VEZF1: variants seen among roughly 807,000 people sequenced by gnomAD.
The protein encoded by VEZF1 is vascular endothelial zinc finger 1, also known as putative transcription factor DB1.
Under a neutral mutation model 44.1 loss-of-function variants are expected in VEZF1, and 5 were observed. The observed-to-expected ratio is 0.11, with a 90% confidence interval of 0.06 to 0.24. The LOEUF (loss-of-function observed/expected upper bound fraction) is 0.24. Among genes scored for constraint, VEZF1 ranks in the 10% least tolerant of loss-of-function variants. The pLI is 1.00. For missense variants in VEZF1, 358 were observed against 641.8 expected (o/e 0.56, Z 4.78); for synonymous variants, 236 against 233.1 (o/e 1.01, Z -0.11).
chr17:57,980,863 C>T (rs2143348789), intron 3 of VEZF1, 77 bp from the exon 4 acceptor site: 4 of 1,438,732 alleles, frequency 2.8e-6, no homozygotes, highest in Non-Finnish European at 2.9e-6. Context: ...ATATTCTGTG[C>T]ATTACCCTAT....
chr17:57,987,351 G>A (rs774817695), intron 1 of VEZF1, among the ~76,000 whole-genome samples: 4 of 152,096 alleles, frequency 2.6e-5, no homozygotes, highest in Non-Finnish European at 4.4e-5. Context: ...TGGACAGAGG[G>A]AGAAGGTGTC....
At chr17:57,978,416 T>C (rs1393896732) in intron 5 of VEZF1, among the ~76,000 whole-genome samples, 5 of 152,218 alleles carry the variant, frequency 3.3e-5, no homozygotes, top group Admixed American at 1.3e-4. Flanking sequence ...TCATGATACA[T>C]TGACAAAATG....
rs2143395092 is a variant in VEZF1 at position 57,988,162 on chromosome 17, T to G, written c.-51A>C. The G allele has an allele frequency of 1.8e-6, 1 of 552,824 alleles. No individual in the cohort carries two copies. 34.2% of individuals were successfully genotyped at this position (552,824 alleles called of 1,614,324 possible). On this transcript the variant is annotated 5_prime_UTR_variant, in exon 1 of 6. Coordinates refer to ENST00000581208, the MANE Select transcript of VEZF1 (RefSeq NM_007146.3). ...CCCCACTCCCCCCGCTCGGGGAGCC[T>G]CCTCAGCCGGAGGAGGCGACAACAA...
chr17:57,982,002 G>A (rs1455100356), intron 2 of VEZF1, 66 bp from the exon 3 acceptor site: 7 of 1,522,328 alleles, frequency 4.6e-6, no homozygotes, highest in Admixed American at 1.7e-5. Context: ...CTTATGTGAT[G>A]CTCACATGCT....
At chr17:57,983,756 TTAAG>T (rs1223173331) in intron 1 of VEZF1, among the ~76,000 whole-genome samples, 5 of 152,182 alleles carry the variant, frequency 3.3e-5, no homozygotes, top group Non-Finnish European at 7.3e-5. Flanking sequence ...CACTCCAGAT[TTAAG>T]TATTTAATAG....
At position 57,971,844 on chromosome 17, in the gene VEZF1, C is replaced by T. The variant is rs868730916; in HGVS notation, c.*2629G>A. The stretch of plus-strand genomic sequence containing the variant: ...CCAGGTTACAACCAGAAGGGAAAAA[C>T]GTACTCTGCCTTTTCGTAGAGCAGT... On this transcript the variant is annotated 3_prime_UTR_variant, in exon 6 of 6. Coordinates refer to ENST00000581208, the MANE Select transcript of VEZF1 (RefSeq NM_007146.3). 5.2e-5 allele frequency: 8 copies of T among 152,710 alleles called. No individual in the cohort carries two copies. The highest frequency in any genetic ancestry group is 3.4e-3 in the Middle Eastern group (1 of 294). The allele number at this position is 152,710 out of a possible 1,614,324, so 9.5% of individuals were successfully genotyped here.
Position 57,987,975 on chromosome 17 carries a change from A to G in VEZF1, c.33+104T>C, listed in dbSNP as rs571167211. The G allele has an allele frequency of 6.1e-3, 1,058 of 173,384 alleles. 3 individuals carry two copies. The highest frequency in any genetic ancestry group is 9.7e-3 in the Non-Finnish European group (735 of 75,974). The allele number at this position is 173,384 out of a possible 1,614,324, so 10.7% of individuals were successfully genotyped here. ...CAAAGGGGGATTAAGGCCGGGCCGG[A>G]GAGCGGAGCCGGGAGGGAGGGGAGG... On this transcript the variant is annotated intron_variant, in intron 1 of 5. Coordinates refer to ENST00000581208, the MANE Select transcript of VEZF1 (RefSeq NM_007146.3).
intron 3 of VEZF1, among the ~76,000 whole-genome samples, chr17:57,981,607 C>CT (rs963018479): frequency 6.6e-6 from 1 of 152,020 alleles, no homozygotes; most frequent in African/African-American, 2.4e-5. Flanking sequence ...AAGACTGTAA[C>CT]TTTTTTTTCC....
intron 5 of VEZF1, among the ~76,000 whole-genome samples, chr17:57,978,766 C>A (rs1310512894): frequency 6.6e-6 from 1 of 151,258 alleles, no homozygotes; most frequent in African/African-American, 2.4e-5. Flanking sequence ...TATGTACACA[C>A]AAGGATATCC....
At chr17:57,985,095 T>C (rs986361953) in intron 1 of VEZF1, among the ~76,000 whole-genome samples, 1 of 152,132 alleles carries the variant, frequency 6.6e-6, no homozygotes. Flanking sequence ...ATACAAATAG[T>C]TAATAGCTGA....
rs962126203 is a variant in VEZF1 at position 57,972,755 on chromosome 17, C to T, written c.*1718G>A. On this transcript the variant is annotated 3_prime_UTR_variant, in exon 6 of 6. Transcript: ENST00000581208. The stretch of plus-strand genomic sequence containing the variant: ...TTGTACAATTTAATGTCCTAAAGTA[C>T]AAAAGATCATTTATAAAATTATTTT... The T allele has an allele frequency of 6.6e-6, 1 of 152,380 alleles. No homozygotes were observed. The highest frequency in any genetic ancestry group is 2.4e-5 in the African/African-American group (1 of 41,412). The allele number at this position is 152,380 out of a possible 1,614,324, so 9.4% of individuals were successfully genotyped here.
chr17:57,974,593 G>C lies in VEZF1; in HGVS notation c.1446C>G (p.Ile482Met). ...APVNIAHPVT[I>M]TSPMNLPTPM... Reference sequence around the variant, plus strand: ...GTGTGGGTAGATTCATTGGAGATGTGATGGTGACAGGGTGTGCTATATTCA... The same window carrying C: ...GTGTGGGTAGATTCATTGGAGATGTCATGGTGACAGGGTGTGCTATATTCA... The change falls in exon 6 of 6, where the codon ATC becomes ATG. Residue 482 changes from isoleucine to methionine, a missense_variant. Physicochemically the swap from Ile to Met is conservative, Grantham distance 10 (BLOSUM62 1). Around this residue, in one of 4 missense-constraint regions of VEZF1, gnomAD observed 171 missense variants for 272.4 expected, o/e 0.63. Transcript: ENST00000581208. 6.2e-7 allele frequency: 1 copy of C among 1,614,176 alleles called. No individual in the cohort carries two copies. Among genetic ancestry groups the C allele is most frequent in the Non-Finnish European group, 8.5e-7 (1 of 1,180,034 alleles).
rs775490575 is a variant in VEZF1 at position 57,982,948 on chromosome 17, G to C, written c.479C>G (p.Thr160Ser). 6.2e-7 allele frequency: 1 copy of C among 1,614,192 alleles called. No individual in the cohort carries two copies. Among genetic ancestry groups the C allele is most frequent in the Non-Finnish European group, 8.5e-7 (1 of 1,180,038 alleles). The change falls in exon 2 of 6, where the codon ACC (threonine) becomes AGC (serine). Residue 160 changes from threonine to serine, a missense_variant. By Grantham distance (58) the Thr-to-Ser change is moderately conservative. Coordinates refer to ENST00000581208, the MANE Select transcript of VEZF1 (RefSeq NM_007146.3). ...SSASTTAMPVTQSVKKPSKPV... is the reference protein window; with the variant it reads ...SSASTTAMPVSQSVKKPSKPV... ...CTTACTGGGTTTCTTGACAGACTGGGTCACTGGCATAGCTGTGGTGCTGGC... is the reference window on the plus strand; with the variant it reads ...CTTACTGGGTTTCTTGACAGACTGGCTCACTGGCATAGCTGTGGTGCTGGC...
In VEZF1 at chr17:57,972,668, G is replaced by T. The variant is rs1372070527; in HGVS notation, c.*1805C>A. On this transcript the variant is annotated 3_prime_UTR_variant, in exon 6 of 6. Coordinates refer to ENST00000581208, the MANE Select transcript of VEZF1 (RefSeq NM_007146.3). ...ATTATAACAAACATATACATTAAAA[G>T]TGTAGGAATGTGTTGCCTTCCTGCT... 1 of 152,578 alleles carries T rather than the reference G, an allele frequency of 6.6e-6. No homozygotes were observed. The highest frequency in any genetic ancestry group is 1.5e-5 in the Non-Finnish European group (1 of 68,048). 9.5% of individuals were successfully genotyped at this position (152,578 alleles called of 1,614,324 possible).
intron 5 of VEZF1, among the ~76,000 whole-genome samples, chr17:57,976,391 A>G (rs187378571): frequency 2.0e-4 from 31 of 152,256 alleles, no homozygotes; most frequent in Non-Finnish European, 1.5e-5. Flanking sequence ...AACTATCTAG[A>G]GGACTTCAAA....
intron 2 of VEZF1, among the ~76,000 whole-genome samples, chr17:57,982,147 C>A (rs541654265): frequency 2.0e-5 from 3 of 152,284 alleles, no homozygotes; most frequent in African/African-American, 7.2e-5. Flanking sequence ...CTCTCCTAGT[C>A]AACATCAAAT....
At chr17:57,976,324 T>C (rs183374730) in intron 5 of VEZF1, among the ~76,000 whole-genome samples, 34 of 152,244 alleles carry the variant, frequency 2.2e-4, no homozygotes, top group African/African-American at 7.7e-4. Flanking sequence ...CAATGTAACT[T>C]TGGCACACAC....
chr17:57,988,067 GGC>G lies in VEZF1; in HGVS notation c.33+10_33+11del. On this transcript the variant is annotated intron_variant, in intron 1 of 5. Transcript: ENST00000581208. ...TGTCCCCCCCGTGCCCCCCCGGGGG[GGC>G]CCCCAGTACCTGGAACAGGAACGCG... 1 of 492,938 alleles carries G rather than the reference GGC, an allele frequency of 2.0e-6. No homozygotes were observed. 30.5% of individuals were successfully genotyped at this position (492,938 alleles called of 1,614,324 possible). A position where few individuals can be genotyped will look rare whatever the true frequency, so the allele number is the denominator to read the frequency against.
chr17:57,974,550 G>A lies in VEZF1; in HGVS notation c.1489C>T (p.Pro497Ser), dbSNP rs1165776132. 2 of 1,614,178 alleles carry A rather than the reference G, an allele frequency of 1.2e-6. No individual in the cohort carries two copies. Among genetic ancestry groups the A allele is most frequent in the Non-Finnish European group, 1.7e-6 (2 of 1,180,038 alleles). The part of the protein sequence containing the change: ...NLPTPMTLAA[P>S]LNIAMRPVES... ...ACAGGTCTCATTGCTATATTGAGAGGGGCGGCTAATGTCATAGGTGTGGGT... is the reference window on the plus strand; with the variant it reads ...ACAGGTCTCATTGCTATATTGAGAGAGGCGGCTAATGTCATAGGTGTGGGT... The change falls in exon 6 of 6, where the codon CCT (proline) becomes TCT (serine). Residue 497 changes from proline to serine, a missense_variant. Coordinates refer to ENST00000581208, the MANE Select transcript of VEZF1 (RefSeq NM_007146.3).
Sources: allele counts gnomAD v4.1 joint callset (sites outside exome capture counted in the v4.1 genomes callset), GRCh38; gene constraint gnomAD v4.1.1; regional missense constraint gnomAD v4.1.1; transcripts MANE v1.5; gene names NCBI Gene and HGNC (gene_info 2026-07-23, HGNC 2026-07-21).